EML6: variants seen among roughly 807,000 people sequenced by gnomAD.
The protein encoded by EML6 is echinoderm microtubule-associated protein-like 6.
A neutral mutation model predicts 240.1 loss-of-function variants in EML6; 154 were observed. The observed-to-expected ratio is 0.64, with a 90% CI of 0.56 to 0.73. EML6 has a LOEUF of 0.73. Ranked by LOEUF, EML6 falls within the 30% of genes least tolerant of loss-of-function variation. EML6 has a pLI of 0.00. For synonymous variants in EML6, 1,148 were observed against 899.0 expected (o/e 1.28, Z -4.95); for missense variants, 2,964 against 2,474.6 (o/e 1.20, Z -4.20).
chr2:54,810,660 A>G (rs1667788779), intron 2 of EML6, among the ~76,000 whole-genome samples: 2 of 152,108 alleles, frequency 1.3e-5, no homozygotes, highest in Non-Finnish European at 2.9e-5. Context: ...CCTCTTGCCT[A>G]TTGCAGGGGG....
At chr2:54,969,886 A>G (rs1327535576) in intron 41 of EML6, among the ~76,000 whole-genome samples, 185 bp from the exon 42 acceptor site, 6 of 152,258 alleles carry the variant, frequency 3.9e-5, no homozygotes, top group Non-Finnish European at 8.8e-5. Flanking sequence ...TGAAAAAAAC[A>G]GACCTTTTAA....
At chr2:54,918,036 A>G (rs1176684616) in intron 26 of EML6, among the ~76,000 whole-genome samples, 3 of 152,252 alleles carry the variant, frequency 2.0e-5, no homozygotes, top group African/African-American at 7.2e-5. Flanking sequence ...AAATTGAATC[A>G]TAGACGTCAA....
At chr2:54,961,184 G>GTTGTTTTTTTTTTTTTGT in intron 35 of EML6, among the ~76,000 whole-genome samples, 3 of 55,416 alleles carry the variant, frequency 5.4e-5, no homozygotes, top group Admixed American at 2.7e-4. Context: ...TCAGGAAGTA[G>GTTGTTTTTTTTTTTTTGT]TTTTTTTTTT....
intron 26 of EML6, among the ~76,000 whole-genome samples, chr2:54,919,254 C>A (rs1221927777): frequency 6.1e-5 from 8 of 131,308 alleles, no homozygotes; most frequent in Admixed American, 1.6e-4. Context: ...CCCCCCCCCC[C>A]AATCCTTTTC....
At chr2:54,923,149 C>G (rs1338007869) in intron 26 of EML6, among the ~76,000 whole-genome samples, 1 of 151,880 alleles carries the variant, frequency 6.6e-6, no homozygotes, top group African/African-American at 2.4e-5. Flanking sequence ...CCATGTTGAT[C>G]AGGCTGGTCT....
chr2:54,869,427 T>A, intron 15 of EML6, 60 bp downstream of exon 15: 1 of 1,287,180 alleles, frequency 7.8e-7, no homozygotes, highest in Non-Finnish European at 1.1e-6. Context: ...TTGAATTCAG[T>A]TTACATATTA....
chr2:54,787,906 G>A (rs769722213), intron 2 of EML6, among the ~76,000 whole-genome samples: 16 of 152,064 alleles, frequency 1.1e-4, no homozygotes, highest in South Asian at 8.3e-4. Context: ...TACACACCCC[G>A]TCCCCCGAGG....
intron 28 of EML6, among the ~76,000 whole-genome samples, chr2:54,939,167 G>C (rs2104438861): frequency 6.6e-6 from 1 of 152,342 alleles, no homozygotes; most frequent in South Asian, 2.1e-4. Flanking sequence ...TTGACACTTT[G>C]TCATTAAAAT....
chr2:54,910,869 C>A, intron 24 of EML6, 85 bp from the exon 25 acceptor site: 1 of 655,980 alleles, frequency 1.5e-6, no homozygotes, highest in South Asian at 2.2e-5. Context: ...TAAAATGAAT[C>A]AAAATAGCAC....
At chr2:54,838,417 A>G (rs1274952940) in intron 7 of EML6, among the ~76,000 whole-genome samples, 1 of 152,256 alleles carries the variant, frequency 6.6e-6, no homozygotes, top group Non-Finnish European at 1.5e-5. Flanking sequence ...AGATGGAGGA[A>G]CTAACGATAT....
intron 25 of EML6, among the ~76,000 whole-genome samples, chr2:54,914,398 G>T (rs560699635): frequency 6.6e-6 from 1 of 152,102 alleles, no homozygotes; most frequent in Admixed American, 6.6e-5. Flanking sequence ...TCCGGTTTTA[G>T]TGCCCCCAAA....
chr2:54,816,033 T>G (rs1668067127), intron 3 of EML6, among the ~76,000 whole-genome samples: 1 of 152,216 alleles, frequency 6.6e-6, no homozygotes, highest in South Asian at 2.1e-4. Flanking sequence ...TTGCAAGGTG[T>G]TATGTCTGGC....
chr2:54,873,936 G>A (rs1224188942), intron 16 of EML6, among the ~76,000 whole-genome samples: 1 of 150,860 alleles, frequency 6.6e-6, no homozygotes, highest in East Asian at 1.9e-4. Context: ...AGAAAAAATT[G>A]AACTCAAAAT....
chr2:54,809,245 G>A (rs928898706), intron 2 of EML6, among the ~76,000 whole-genome samples: 59 of 152,262 alleles, frequency 3.9e-4, no homozygotes, highest in African/African-American at 1.4e-3. Flanking sequence ...CTCTCAATAG[G>A]CAGATAGACT....
chr2:54,962,496 T>C (rs1361752068), intron 35 of EML6, 27 bp from the exon 36 acceptor site: 2 of 1,510,416 alleles, frequency 1.3e-6, no homozygotes, highest in Admixed American at 4.2e-5. Flanking sequence ...ATTTGTCCTT[T>C]TTCTAATAGT....
intron 4 of EML6, among the ~76,000 whole-genome samples, chr2:54,817,880 A>G (rs17417259): frequency 0.21 from 31,474 of 152,016 alleles, 3,603 homozygotes; most frequent in Middle Eastern, 0.34. Flanking sequence ...AGATGTTGCA[A>G]ATTCTACTCC....
At chr2:54,832,420 G>C (rs769151360) in intron 7 of EML6, among the ~76,000 whole-genome samples, 2 of 152,222 alleles carry the variant, frequency 1.3e-5, no homozygotes, top group Non-Finnish European at 2.9e-5. Context: ...CGGCCCTCCT[G>C]TGGTCTTGGA....
At chr2:54,923,367 GCACACACACA>G (rs113101367) in intron 26 of EML6, among the ~76,000 whole-genome samples, 29 of 144,458 alleles carry the variant, frequency 2.0e-4, no homozygotes, top group East Asian at 1.0e-3. Context: ...CTCACCAAAC[GCACACACACA>G]CACACACACA....
At chr2:54,962,465 A>T in intron 35 of EML6, 58 bp from the exon 36 acceptor site, 1 of 1,313,910 alleles carries the variant, frequency 7.6e-7, no homozygotes, top group Non-Finnish European at 1.0e-6. Flanking sequence ...TAGATACCTC[A>T]TATGAGTGCA....
Sources: gnomAD v4.1 joint callset for allele counts (sites outside exome capture counted in the v4.1 genomes callset) on GRCh38, gnomAD v4.1.1 for gene constraint, MANE v1.5 for transcripts, NCBI Gene and HGNC (gene_info 2026-07-23, HGNC 2026-07-21) for gene names.